RIMBP2: variants seen among roughly 807,000 people sequenced by gnomAD.
The protein encoded by RIMBP2 is RIMS-binding protein 2.
In RIMBP2, 48 loss-of-function variants were observed where a neutral mutation model predicts 118.6. The observed-to-expected ratio is 0.40, with a 90% CI of 0.32 to 0.51. The LOEUF (loss-of-function observed/expected upper bound fraction) is 0.51. RIMBP2 is among the 20% of genes least tolerant of loss of function. The probability of loss-of-function intolerance (pLI) is 0.41; values close to 1 mark genes in which losing one functional copy is unlikely to be tolerated. For missense variants in RIMBP2, 1,551 were observed against 1,768.3 expected (o/e 0.88, Z 2.20); for synonymous variants, 762 against 742.9 (o/e 1.03, Z -0.42).
intron 2 of RIMBP2, among the ~76,000 whole-genome samples, chr12:130,587,780 G>C (rs1335618384): frequency 7.1e-6 from 1 of 141,534 alleles, no homozygotes; most frequent in African/African-American, 2.7e-5. Flanking sequence ...GTATACATAT[G>C]TAACTAACCT....
At chr12:130,572,953 C>A (rs1033448267) in intron 2 of RIMBP2, among the ~76,000 whole-genome samples, 25 of 151,988 alleles carry the variant, frequency 1.6e-4, no homozygotes, top group African/African-American at 5.8e-4. Context: ...GGGCATCCTT[C>A]CCCCCGGGGG....
chr12:130,700,358 G>A (rs59139889), intron 1 of RIMBP2, among the ~76,000 whole-genome samples: 4,459 of 152,214 alleles, frequency 0.029, 221 homozygotes, highest in African/African-American at 0.1. Flanking sequence ...GGTCAACCAC[G>A]GCAGTGGACT....
chr12:130,409,594 C>G (rs1255772206), intron 19 of RIMBP2, among the ~76,000 whole-genome samples: 2 of 152,120 alleles, frequency 1.3e-5, no homozygotes, highest in African/African-American at 2.4e-5. Flanking sequence ...CCGCCCACCT[C>G]GGCCTCCCAA....
At chr12:130,605,354 C>T (rs955067803) in intron 2 of RIMBP2, among the ~76,000 whole-genome samples, 3 of 152,070 alleles carry the variant, frequency 2.0e-5, no homozygotes, top group African/African-American at 7.2e-5. Flanking sequence ...GCGGGGAAAC[C>T]GTGTTTCCAA....
chr12:130,583,732 C>A (rs1349782341), intron 2 of RIMBP2, among the ~76,000 whole-genome samples: 2 of 135,726 alleles, frequency 1.5e-5, no homozygotes, highest in African/African-American at 5.4e-5. Context: ...ATCACCACGA[C>A]CCCCATCACC....
Position 130,424,978 on chromosome 12 carries a change from A to C in RIMBP2, c.2413-120T>G. ...AGTCCTGGAGGCACCGAGGGGGGGG[A>C]AGCATGCGTCTACTCAGGCCGGGGG... On this transcript the variant is annotated intron_variant, in intron 15 of 22. Transcript: ENST00000690449. This position sits in a 1 kb window ranked among gnomAD's most constrained non-coding sequence, Gnocchi z 9.8. 1 of 505,994 alleles carries C rather than the reference A, an allele frequency of 2.0e-6. No homozygotes were observed. The highest frequency in any genetic ancestry group is 3.6e-5 in the East Asian group (1 of 28,058). The allele number at this position is 505,994 out of a possible 1,614,324, so 31.3% of individuals were successfully genotyped here.
intron 7 of RIMBP2, among the ~76,000 whole-genome samples, chr12:130,454,535 T>A (rs1453488406): frequency 6.6e-6 from 1 of 152,210 alleles, no homozygotes; most frequent in Non-Finnish European, 1.5e-5. Flanking sequence ...GCATGGGCCA[T>A]GCCAGGCGAC....
At chr12:130,407,948 G>T in intron 19 of RIMBP2, 119 bp from the exon 20 acceptor site, 1 of 841,452 alleles carries the variant, frequency 1.2e-6, no homozygotes, top group East Asian at 2.5e-5. Context: ...TGCTAACAGG[G>T]CCACGTGCTC....
chr12:130,664,403 G>GCACGCACGCACACGCACGCA (rs1367677737), intron 1 of RIMBP2, among the ~76,000 whole-genome samples: 2 of 61,694 alleles, frequency 3.2e-5, no homozygotes, highest in African/African-American at 9.2e-5. Context: ...ACACACGCAC[G>GCACGCACGCACACGCACGCA]CACGCACGCA....
chr12:130,638,176 A>C (rs12578724), intron 1 of RIMBP2, among the ~76,000 whole-genome samples: 8,610 of 152,300 alleles, frequency 0.057, 312 homozygotes, highest in Non-Finnish European at 0.078. Flanking sequence ...ACACACATTA[A>C]AGCCACCCTG....
intron 2 of RIMBP2, among the ~76,000 whole-genome samples, chr12:130,569,234 C>G (rs765223226): frequency 5.9e-5 from 9 of 152,216 alleles, no homozygotes; most frequent in Admixed American, 1.3e-4. Flanking sequence ...ACAGCATGAC[C>G]TCGGTCACGA....
intron 2 of RIMBP2, among the ~76,000 whole-genome samples, chr12:130,532,450 T>C (rs1385380415): frequency 1.3e-5 from 2 of 150,256 alleles, no homozygotes; most frequent in African/African-American, 5.0e-5. Flanking sequence ...GAGGGACGTC[T>C]AATGAGATGC....
At chr12:130,553,384 T>C (rs1041477227) in intron 2 of RIMBP2, among the ~76,000 whole-genome samples, 9 of 152,208 alleles carry the variant, frequency 5.9e-5, no homozygotes, top group Admixed American at 5.2e-4. Flanking sequence ...ACAATAACTC[T>C]ATAATGTGAG....
chr12:130,490,341 G>T (rs955782139), intron 4 of RIMBP2, among the ~76,000 whole-genome samples: 3 of 151,962 alleles, frequency 2.0e-5, no homozygotes, highest in African/African-American at 7.3e-5. Context: ...TGTACAATCT[G>T]ATAATGTTTT....
chr12:130,668,228 G>T (rs2064037403), intron 1 of RIMBP2: 1 of 152,216 alleles, frequency 6.6e-6, no homozygotes, highest in Non-Finnish European at 1.5e-5. Flanking sequence ...CAAAGCGAAG[G>T]TGACGGTAAG....
At chr12:130,464,104 A>G (rs905277610) in intron 6 of RIMBP2, among the ~76,000 whole-genome samples, 12 of 152,074 alleles carry the variant, frequency 7.9e-5, no homozygotes, top group Non-Finnish European at 1.5e-4. Flanking sequence ...CTCATGAACA[A>G]TCTACCCCTT....
intron 1 of RIMBP2, among the ~76,000 whole-genome samples, chr12:130,693,059 G>C (rs998535995): frequency 2.6e-5 from 4 of 151,998 alleles, no homozygotes; most frequent in African/African-American, 9.7e-5. Flanking sequence ...AGTGAAGATT[G>C]CTCCATGACC....
intron 17 of RIMBP2, among the ~76,000 whole-genome samples, chr12:130,415,051 T>A (rs2136532040): frequency 6.6e-6 from 1 of 152,332 alleles, no homozygotes; most frequent in Middle Eastern, 3.4e-3. Context: ...TAACTCATTC[T>A]ATGAAGCCAA....
Position 130,442,699 on chromosome 12 carries a change from C to T in RIMBP2, c.692-39G>A, listed in dbSNP as rs374636495. ...GGACAGAGTTATCACCCAGCCAACA[C>T]AGCAGGGGCCTCGAGGCCCCCAGTG... On this transcript the variant is annotated intron_variant, in intron 10 of 22. Coordinates refer to ENST00000690449, the MANE Select transcript of RIMBP2 (RefSeq NM_001393629.1). The surrounding 1 kb of genome is among the most constrained non-coding windows in gnomAD (Gnocchi z 6.9). 30 of 1,557,940 alleles carry T rather than the reference C, an allele frequency of 1.9e-5. No individual in the cohort carries two copies. Among genetic ancestry groups the T allele is most frequent in the Non-Finnish European group, 2.4e-5 (27 of 1,141,014 alleles).
Sources: gnomAD v4.1 joint callset for allele counts (sites outside exome capture counted in the v4.1 genomes callset) on GRCh38, gnomAD v4.1.1 for gene constraint, Gnocchi (gnomAD v3.1) non-coding constraint, MANE v1.5 for transcripts, NCBI Gene and HGNC (gene_info 2026-07-23, HGNC 2026-07-21) for gene names.